The following HS1BP3 variants were observed in gnomAD, a reference collection of about 807,000 sequenced individuals.
HS1BP3 encodes HCLS1-binding protein 3.
In HS1BP3, 32 loss-of-function variants were observed where a neutral mutation model predicts 33.5. That is an observed-to-expected ratio of 0.95 (90% CI 0.72 to 1.28). The LOEUF is 1.28. Ranked by LOEUF, HS1BP3 falls within the 50% of genes most tolerant of loss-of-function variation. The pLI is 0.00. For missense variants in HS1BP3, 486 were observed against 502.3 expected (o/e 0.97, Z 0.31); for synonymous variants, 187 against 209.2 (o/e 0.89, Z 0.92).
rs185767762 is a variant in HS1BP3 at position 20,576,278 on chromosome 2, G to A, written c.303-15763C>T. Reference sequence around the variant, plus strand: ...ATTATAGGTGTGAGCCATTGCACCCGGCTATGTGAGGTTTCTTTCTGCTCA... The same window carrying A: ...ATTATAGGTGTGAGCCATTGCACCCAGCTATGTGAGGTTTCTTTCTGCTCA... On this transcript the variant is annotated intron_variant, in intron 5 of 5. Coordinates refer to the HS1BP3 transcript ENST00000446825. Among the ~76,000 whole-genome samples the A allele has an allele frequency of 1.8e-4, 28 of 152,216 alleles. No individual in the cohort carries two copies. In the East Asian group the frequency reaches 4.4e-3, roughly 24 times the overall value.
At chr2:20,614,013 T>C (rs963012112), downstream of HS1BP3, among the ~76,000 whole-genome samples, 6 of 152,168 alleles carry the variant, frequency 3.9e-5, no homozygotes, top group Non-Finnish European at 8.8e-5. Flanking sequence ...TGGGCCGTAA[T>C]CCAATGACTG....
chr2:20,594,395 T>C (rs1693898422), intron 3 of HS1BP3, among the ~76,000 whole-genome samples: 1 of 152,196 alleles, frequency 6.6e-6, no homozygotes, highest in South Asian at 2.1e-4. Flanking sequence ...CAAATCCTTT[T>C]TGAGCTTACT....
chr2:20,641,091 C>A lies in HS1BP3; in HGVS notation c.288G>T (p.Lys96Asn). 2 of 1,613,960 alleles carry A rather than the reference C, an allele frequency of 1.2e-6. No homozygotes were observed. The highest frequency in any genetic ancestry group is 1.7e-6 in the Non-Finnish European group (2 of 1,180,026). Reference sequence around the variant, plus strand: ...TGTCAGACTCCCCAACAAACAGGACCTTCCTGGGTAGTGGGGGGAGGCTGG... The same window carrying A: ...TGTCAGACTCCCCAACAAACAGGACATTCCTGGGTAGTGGGGGGAGGCTGG... ...AAASLPPLPR[K>N]VLFVGESDIR... Residue 96 changes from lysine to asparagine, a missense_variant, in exon 3 of 7, where the codon AAG becomes AAT. Transcript: ENST00000304031.
intron 2 of HS1BP3, among the ~76,000 whole-genome samples, chr2:20,601,627 C>T (rs1694070992): frequency 1.3e-5 from 2 of 152,080 alleles, no homozygotes; most frequent in African/African-American, 4.8e-5. Context: ...CTGCACAAGT[C>T]GCTCTTGCCT....
In HS1BP3 at chr2:20,641,658, A is replaced by G. The variant is rs1695354531; in HGVS notation, c.199-478T>C. ...GCCAATGCAAGCAGTGGAGACAGAT[A>G]TTTCCAAGGCTTGTTCTCTGCCCTG... On this transcript the variant is annotated intron_variant, in intron 2 of 6. Coordinates refer to ENST00000304031, the MANE Select transcript of HS1BP3 (RefSeq NM_022460.4). 2.0e-5 allele frequency among the ~76,000 whole-genome samples: 3 copies of G among 152,156 alleles called. No homozygotes were observed. In the South Asian group the frequency reaches 6.2e-4, roughly 31 times the overall value.
At position 20,644,497 on chromosome 2, in the gene HS1BP3, C is replaced by T. The variant is rs140890637; in HGVS notation, c.198+843G>A. Among the ~76,000 whole-genome samples, 1,079 of 152,316 alleles carry T rather than the reference C, an allele frequency of 7.1e-3. 7 individuals are homozygous for T. Among genetic ancestry groups the T allele is most frequent in the Non-Finnish European group, 0.011 (766 of 68,026 alleles). On this transcript the variant is annotated intron_variant, in intron 2 of 6. Coordinates refer to ENST00000304031, the MANE Select transcript of HS1BP3 (RefSeq NM_022460.4). ...CAGCCTCATGTATCCATCCACAGGG[C>T]AGACACTTCACACTCCACATGCCCC...
intron 5 of HS1BP3, among the ~76,000 whole-genome samples, chr2:20,583,357 A>C (rs1000717167): frequency 1.3e-4 from 18 of 143,746 alleles, no homozygotes; most frequent in African/African-American, 5.0e-4. Flanking sequence ...GGAGGGGCGC[A>C]GTTGGTTCTC....
chr2:20,563,954 C>T (rs1483844591), intron 5 of HS1BP3, among the ~76,000 whole-genome samples: 1 of 152,070 alleles, frequency 6.6e-6, no homozygotes, highest in East Asian at 1.9e-4. Context: ...AGTGTAGTCT[C>T]ACTCAGCAGT....
chr2:20,586,995 G>A (rs1693698070), intron 5 of HS1BP3, among the ~76,000 whole-genome samples: 1 of 152,140 alleles, frequency 6.6e-6, no homozygotes, highest in Admixed American at 6.5e-5. Context: ...TCAGTCAGGG[G>A]CAACTCTTTT....
At chr2:20,557,730 G>T (rs1692873735), downstream of HS1BP3, among the ~76,000 whole-genome samples, 1 of 152,230 alleles carries the variant, frequency 6.6e-6, no homozygotes, top group South Asian at 2.1e-4. Context: ...TCAGCTATTT[G>T]TGATGGATGC....
downstream of HS1BP3, among the ~76,000 whole-genome samples, chr2:20,557,187 G>A (rs1466825970): frequency 2.6e-5 from 4 of 152,194 alleles, no homozygotes; most frequent in Admixed American, 6.5e-5. Context: ...TGCAAATTCT[G>A]ATGCTAATGC....
chr2:20,624,918 G>A (rs1450126884), intron 4 of HS1BP3, 26 bp from the exon 5 acceptor site: 1 of 1,612,998 alleles, frequency 6.2e-7, no homozygotes, highest in South Asian at 1.1e-5. Flanking sequence ...CAAAGCACAA[G>A]GTGAGGATTT....
intron 1 of HS1BP3, 82 bp downstream of exon 1, chr2:20,650,950 A>T (rs1695675589): frequency 1.0e-5 from 12 of 1,150,340 alleles, no homozygotes; most frequent in Non-Finnish European, 1.3e-5. Context: ...CTGGCCTAGG[A>T]GGCGGCGGCC....
chr2:20,624,163 C>T, intron 5 of HS1BP3, 132 bp from the exon 6 acceptor site: 2 of 1,126,806 alleles, frequency 1.8e-6, no homozygotes, highest in Non-Finnish European at 2.5e-6. Flanking sequence ...CTCAACCTGT[C>T]ATAACTGGTG....
At chr2:20,597,975 G>A (rs1693981868) in intron 3 of HS1BP3, among the ~76,000 whole-genome samples, 1 of 152,152 alleles carries the variant, frequency 6.6e-6, no homozygotes, top group South Asian at 2.1e-4. Flanking sequence ...CTGGTGAGGA[G>A]GGACAATCCT....
the HS1BP3 span, among the ~76,000 whole-genome samples, chr2:20,555,382 G>C: frequency 6.6e-6 from 1 of 152,236 alleles, no homozygotes; most frequent in South Asian, 2.1e-4. Context: ...GTTCAGAAAT[G>C]ATTAAGAATG....
chr2:20,622,000 T>C (rs1694614903), intron 6 of HS1BP3, among the ~76,000 whole-genome samples: 1 of 151,828 alleles, frequency 6.6e-6, no homozygotes, highest in African/African-American at 2.4e-5. Flanking sequence ...TCCTTCTCCC[T>C]GGGTTCCTGC....
At chr2:20,641,283 G>A in intron 2 of HS1BP3, 103 bp from the exon 3 acceptor site, 1 of 1,071,440 alleles carries the variant, frequency 9.3e-7, no homozygotes, top group Non-Finnish European at 1.4e-6. Flanking sequence ...CAAAGGAAGT[G>A]TGCCAGGTAC....
downstream of HS1BP3, among the ~76,000 whole-genome samples, chr2:20,558,884 G>A (rs911125957): frequency 6.6e-6 from 1 of 152,190 alleles, no homozygotes; most frequent in Admixed American, 6.5e-5. Flanking sequence ...CACATCTCAG[G>A]GGCAGGTCTG....
Sources: allele counts gnomAD v4.1 joint callset (sites outside exome capture counted in the v4.1 genomes callset), GRCh38; gene constraint gnomAD v4.1.1; transcripts MANE v1.5; gene names NCBI Gene and HGNC (gene_info 2026-07-23, HGNC 2026-07-21).